Variants in RRAGD observed in about 807,000 individuals in gnomAD.
RRAGD encodes Ras related GTP binding D.
RRAGD carries 12 observed loss-of-function variants against 35.5 expected under a neutral mutation model. That is an observed-to-expected ratio of 0.34 (90% CI 0.22 to 0.55). The LOEUF (loss-of-function observed/expected upper bound fraction) is 0.55, where lower values mean the gene tolerates loss of function less well. Among genes scored for constraint, RRAGD ranks in the 20% least tolerant of loss-of-function variants. RRAGD has a pLI of 0.91. For synonymous variants in RRAGD, 155 were observed against 178.9 expected, an observed-to-expected ratio of 0.87 and a Z score of 1.07; for missense variants, 324 against 490.1, an observed-to-expected ratio of 0.66 and a Z score of 3.20.
chr6:89,409,760 AC>A (rs1769659511), intron 1 of RRAGD, among the ~76,000 whole-genome samples: 1 of 152,142 alleles, frequency 6.6e-6, no homozygotes, highest in African/African-American at 2.4e-5. Flanking sequence ...CAAGGCCTAA[AC>A]CCAAAAGTCA....
At position 89,411,892 on chromosome 6, in the gene RRAGD, C is replaced by T; in HGVS notation, c.102G>A (p.Gly34=). The part of the protein sequence containing the change: ...ELVGLADYGD[G]PDSSDADPDS... ...CCGGATCGGCGTCGGAGGAGTCGGG[C>T]CCGTCTCCGTAGTCCGCTAGCCCCA... Residue 34 remains glycine, a synonymous_variant, in exon 1 of 7, where the codon GGG becomes GGA. Coordinates refer to ENST00000369415, the MANE Select transcript of RRAGD (RefSeq NM_021244.5). The surrounding 1 kb of genome is among the most constrained non-coding windows in gnomAD (Gnocchi z 5.6). 1.9e-6 allele frequency: 3 copies of T among 1,546,766 alleles called. No individual in the cohort carries two copies. Among genetic ancestry groups the T allele is most frequent in the Non-Finnish European group, 2.6e-6 (3 of 1,148,470 alleles).
At position 89,367,973 on chromosome 6, in the gene RRAGD, C is replaced by T; in HGVS notation, c.*83G>A. The T allele has an allele frequency of 7.9e-7, 1 of 1,271,040 alleles. No individual in the cohort carries two copies. Among genetic ancestry groups the T allele is most frequent in the Non-Finnish European group, 1.1e-6 (1 of 939,148 alleles). 78.7% of individuals were successfully genotyped at this position (1,271,040 alleles called of 1,614,324 possible). A position where few individuals can be genotyped will look rare whatever the true frequency, so the allele number is the denominator to read the frequency against. On this transcript the variant is annotated 3_prime_UTR_variant, in exon 7 of 7. Transcript: ENST00000369415. ...AATCAATGGTATGTGTCCCAATCTC[C>T]TTCTTCCTCTTCCTTTAGTGCAACA...
intron 5 of RRAGD, among the ~76,000 whole-genome samples, chr6:89,377,447 A>G (rs181903864): frequency 6.6e-6 from 1 of 152,310 alleles, no homozygotes; most frequent in East Asian, 1.9e-4. Flanking sequence ...CCTATTGCTA[A>G]AAAATTGAAA....
chr6:89,377,617 A>C, intron 5 of RRAGD, 54 bp downstream of exon 5: 1 of 1,446,696 alleles, frequency 6.9e-7, no homozygotes, highest in Non-Finnish European at 9.2e-7. Flanking sequence ...AAATGCCTGA[A>C]AGGTTATGAA....
Position 89,367,963 on chromosome 6 carries a change from T to G in RRAGD, c.*93A>C. 1 of 1,142,088 alleles carries G rather than the reference T, an allele frequency of 8.8e-7. No individual in the cohort carries two copies. The allele number at this position is 1,142,088 out of a possible 1,614,324, so 70.7% of individuals were successfully genotyped here. On this transcript the variant is annotated 3_prime_UTR_variant, in exon 7 of 7. Coordinates refer to ENST00000369415, the MANE Select transcript of RRAGD (RefSeq NM_021244.5). ...TTTAACAACAAATCAATGGTATGTG[T>G]CCCAATCTCCTTCTTCCTCTTCCTT...
Position 89,411,727 on chromosome 6 carries a change from G to T in RRAGD, c.148+119C>A. 2 of 1,128,454 alleles carry T rather than the reference G, an allele frequency of 1.8e-6. No homozygotes were observed. The highest frequency in any genetic ancestry group is 2.5e-6 in the Non-Finnish European group (2 of 814,576). The allele number at this position is 1,128,454 out of a possible 1,614,324, so 69.9% of individuals were successfully genotyped here. A position where few individuals can be genotyped will look rare whatever the true frequency, so the allele number is the denominator to read the frequency against. On this transcript the variant is annotated intron_variant, in intron 1 of 6. Coordinates refer to ENST00000369415, the MANE Select transcript of RRAGD (RefSeq NM_021244.5). The surrounding 1 kb of genome is among the most constrained non-coding windows in gnomAD (Gnocchi z 5.6). ...CCCTCCCCACCCCAAACCCTCAACT[G>T]GACCCGCTCCCCTGGACCCCCTCCA...
chr6:89,412,014 C>A lies in RRAGD; in HGVS notation c.-21G>T. 1 of 1,521,796 alleles carries A rather than the reference C, an allele frequency of 6.6e-7. No homozygotes were observed. Among genetic ancestry groups the A allele is most frequent in the Non-Finnish European group, 8.8e-7 (1 of 1,139,684 alleles). The allele number at this position is 1,521,796 out of a possible 1,614,324, so 94.3% of individuals were successfully genotyped here. Reference sequence around the variant, plus strand: ...CTCATCGTGCCCACCGGCCGGCCGGCCCGGGGACGGCGGGGGTCCCGGGGT... The same window carrying A: ...CTCATCGTGCCCACCGGCCGGCCGGACCGGGGACGGCGGGGGTCCCGGGGT... On this transcript the variant is annotated 5_prime_UTR_variant, in exon 1 of 7. Transcript: ENST00000369415. The surrounding 1 kb of genome is among the most constrained non-coding windows in gnomAD (Gnocchi z 4.2).
At chr6:89,389,425 G>A (rs1026718134) in intron 1 of RRAGD, among the ~76,000 whole-genome samples, 35 of 151,860 alleles carry the variant, frequency 2.3e-4, no homozygotes, top group Admixed American at 2.2e-3. Flanking sequence ...GCGTGGTGGC[G>A]GGCACCTGTA....
At chr6:89,382,813 T>G (rs1582510408) in intron 2 of RRAGD, among the ~76,000 whole-genome samples, 1 of 151,790 alleles carries the variant, frequency 6.6e-6, no homozygotes, top group South Asian at 2.1e-4. Context: ...GAGGCGGAGG[T>G]TGCAGTGAGC....
chr6:89,391,086 C>A (rs150368399), intron 1 of RRAGD, among the ~76,000 whole-genome samples: 6 of 151,916 alleles, frequency 3.9e-5, no homozygotes, highest in Admixed American at 1.3e-4. Context: ...GAAAAGAATG[C>A]GGTACAATGG....
intron 5 of RRAGD, among the ~76,000 whole-genome samples, chr6:89,375,444 T>A (rs1378785613): frequency 6.6e-6 from 1 of 152,020 alleles, no homozygotes. Flanking sequence ...TATTTTAAAG[T>A]GTGTGCATGT....
chr6:89,412,067 C>G lies in RRAGD; in HGVS notation c.-74G>C, dbSNP rs1769715793. ...GGGCCAAGCCTCCTAGCCGGCCGCC[C>G]GCAGCCTATTTCTGAAGCGGAGGTT... On this transcript the variant is annotated 5_prime_UTR_variant, in exon 1 of 7. Transcript: ENST00000369415. This position sits in a 1 kb window ranked among gnomAD's most constrained non-coding sequence, Gnocchi z 4.2. 1 of 1,412,780 alleles carries G rather than the reference C, an allele frequency of 7.1e-7. No individual in the cohort carries two copies. Among genetic ancestry groups the G allele is most frequent in the Non-Finnish European group, 9.3e-7 (1 of 1,071,490 alleles). 87.5% of individuals were successfully genotyped at this position (1,412,780 alleles called of 1,614,324 possible). A position where few individuals can be genotyped will look rare whatever the true frequency, so the allele number is the denominator to read the frequency against.
chr6:89,412,239 C>T lies in RRAGD; in HGVS notation c.-246G>A. 7.6e-6 allele frequency: 2 copies of T among 262,440 alleles called. No homozygotes were observed. Among genetic ancestry groups the T allele is most frequent in the Non-Finnish European group, 1.4e-5 (2 of 145,272 alleles). 16.3% of individuals were successfully genotyped at this position (262,440 alleles called of 1,614,324 possible). ...GGCGGAGGAGTCAGCCGGAGCGCGG[C>T]AGTTCCTCCCGGAGGAGGGAGAGAG... On this transcript the variant is annotated 5_prime_UTR_variant, in exon 1 of 7. Transcript: ENST00000369415. The surrounding 1 kb of genome is among the most constrained non-coding windows in gnomAD (Gnocchi z 4.2).
Position 89,407,092 on chromosome 6 carries a change from C to T in RRAGD, c.148+4754G>A, listed in dbSNP as rs182584791. 8.0e-4 allele frequency among the ~76,000 whole-genome samples: 122 copies of T among 152,294 alleles called. 1 individual carries two copies. Among genetic ancestry groups the T allele is most frequent in the African/African-American group, 2.7e-3 (114 of 41,572 alleles). ...TGAGAGTGCACTAAGGTTGGCTTTA[C>T]GCAGTCCTCTATTTTATACACTGAG... On this transcript the variant is annotated intron_variant, in intron 1 of 6. Transcript: ENST00000369415.
chr6:89,393,930 G>A lies in RRAGD; in HGVS notation c.149-6340C>T, dbSNP rs367567218. 9.2e-5 allele frequency among the ~76,000 whole-genome samples: 14 copies of A among 152,264 alleles called. 1 individual carries two copies. The South Asian group carries it at 2.1e-3, about 23-fold the overall frequency. ...AATGTATGAATGTATGGATTAAAAA[G>A]CAGAATAAACACAGATGAAGATGGA... On this transcript the variant is annotated intron_variant, in intron 1 of 6. Transcript: ENST00000369415.
chr6:89,398,348 C>G (rs1289784751), intron 1 of RRAGD, among the ~76,000 whole-genome samples: 1 of 152,148 alleles, frequency 6.6e-6, no homozygotes, highest in East Asian at 1.9e-4. Context: ...ACAGTTACAG[C>G]TGTCATAAAA....
intron 5 of RRAGD, among the ~76,000 whole-genome samples, chr6:89,374,901 A>G (rs1279360140): frequency 2.0e-5 from 3 of 152,194 alleles, no homozygotes; most frequent in African/African-American, 7.2e-5. Context: ...TTTAACTACT[A>G]TATTTTAAGG....
intron 5 of RRAGD, among the ~76,000 whole-genome samples, chr6:89,376,523 T>C (rs1291983445): frequency 6.6e-6 from 1 of 152,156 alleles, no homozygotes; most frequent in Admixed American, 6.5e-5. Context: ...TAGATGAGGA[T>C]GTCAGATACA....
chr6:89,399,007 T>C (rs538805696), intron 1 of RRAGD, among the ~76,000 whole-genome samples: 7 of 152,268 alleles, frequency 4.6e-5, no homozygotes, highest in Non-Finnish European at 8.8e-5. Flanking sequence ...CCCCAATTAA[T>C]GCAAGCAAAA....
Sources: gnomAD v4.1 joint callset for allele counts (sites outside exome capture counted in the v4.1 genomes callset) on GRCh38, gnomAD v4.1.1 for gene constraint, Gnocchi (gnomAD v3.1) non-coding constraint, MANE v1.5 for transcripts, NCBI Gene and HGNC (gene_info 2026-07-23, HGNC 2026-07-21) for gene names.